Variants in SAP130 observed in about 807,000 individuals in gnomAD.
The protein encoded by SAP130 is Sin3A associated protein 130, also known as histone deacetylase complex subunit SAP130.
Under a neutral mutation model 103.2 loss-of-function variants are expected in SAP130, and 16 were observed. The observed-to-expected ratio is 0.16, with a 90% CI of 0.10 to 0.24. The LOEUF (loss-of-function observed/expected upper bound fraction) is 0.24. Among genes scored for constraint, SAP130 ranks in the 10% least tolerant of loss-of-function variants. The pLI, the probability that SAP130 is intolerant of heterozygous loss-of-function variation, is 1.00. For missense variants in SAP130, 990 were observed against 1,359.7 expected (o/e 0.73, Z 4.28); for synonymous variants, 477 against 497.0 (o/e 0.96, Z 0.53).
At chr2:128,001,630 A>G (rs1207471106) in intron 7 of SAP130, among the ~76,000 whole-genome samples, 1 of 152,204 alleles carries the variant, frequency 6.6e-6, no homozygotes, top group Non-Finnish European at 1.5e-5. Context: ...TAGTGTTACA[A>G]CTGCCTACAG....
At chr2:127,954,861 C>A in intron 16 of SAP130, 125 bp downstream of exon 16, 1 of 686,964 alleles carries the variant, frequency 1.5e-6, no homozygotes, top group Non-Finnish European at 2.4e-6. Flanking sequence ...TAATGACATG[C>A]AACATCTAAA....
At chr2:128,001,744 GTA>G (rs1301817112) in intron 7 of SAP130, among the ~76,000 whole-genome samples, 3 of 152,008 alleles carry the variant, frequency 2.0e-5, no homozygotes, top group Non-Finnish European at 2.9e-5. Flanking sequence ...GTTTGTGTAA[GTA>G]TACTCTTATG....
chr2:127,948,639 G>A (rs1035383665), intron 18 of SAP130, among the ~76,000 whole-genome samples: 1 of 151,992 alleles, frequency 6.6e-6, no homozygotes, highest in African/African-American at 2.4e-5. Context: ...ACCGCGCCTG[G>A]CCTCCTGTGA....
intron 12 of SAP130, among the ~76,000 whole-genome samples, chr2:127,992,673 T>C (rs1682893289): frequency 6.6e-6 from 1 of 152,292 alleles, no homozygotes; most frequent in Admixed American, 6.5e-5. Flanking sequence ...TTGTTTTTCC[T>C]GGATTAGCAA....
chr2:127,947,858 C>G (rs1679215895), intron 18 of SAP130, among the ~76,000 whole-genome samples: 1 of 151,604 alleles, frequency 6.6e-6, no homozygotes, highest in Middle Eastern at 3.2e-3. Context: ...ATGATCTCGG[C>G]TTACTGCAAA....
chr2:127,963,507 AG>A (rs1455865651), intron 15 of SAP130, among the ~76,000 whole-genome samples: 1 of 152,216 alleles, frequency 6.6e-6, no homozygotes. Flanking sequence ...CTGGGATTAC[AG>A]GTGTCAGCCA....
At position 127,996,972 on chromosome 2, in the gene SAP130, C is replaced by CA. The variant is rs1559081137; in HGVS notation, c.1214-482dup. On this transcript the variant is annotated intron_variant, in intron 10 of 20. Coordinates refer to ENST00000643581, the MANE Select transcript of SAP130 (RefSeq NM_001330301.2). The surrounding 1 kb of genome is among the most constrained non-coding windows in gnomAD (Gnocchi z 4.3). Reference sequence around the variant, plus strand: ...TTAAAAAACGGAAAAAACAAACAAACAAAAAACCTTGGATTCTACTCCAGG... The same window carrying CA: ...TTAAAAAACGGAAAAAACAAACAAACAAAAAAACCTTGGATTCTACTCCAGG... Among the ~76,000 whole-genome samples the CA allele has an allele frequency of 6.6e-6, 1 of 151,992 alleles. No individual in the cohort carries two copies. Among genetic ancestry groups the CA allele is most frequent in the Admixed American group, 6.6e-5 (1 of 15,252 alleles).
At chr2:127,998,142 A>AAATAAAAAC (rs1553512728) in intron 10 of SAP130, among the ~76,000 whole-genome samples, 2 of 151,978 alleles carry the variant, frequency 1.3e-5, no homozygotes, top group Non-Finnish European at 2.9e-5. Context: ...ATACATTCTC[A>AAATAAAAAC]ATAGTTAAAT....
intron 18 of SAP130, among the ~76,000 whole-genome samples, chr2:127,947,900 C>T (rs1486703453): frequency 2.0e-5 from 3 of 152,218 alleles, no homozygotes; most frequent in East Asian, 3.9e-4. Context: ...TGCAATTCTC[C>T]TGCCTCAGCC....
chr2:127,955,612 G>A lies in SAP130; in HGVS notation c.2064-268C>T, dbSNP rs576852075. On this transcript the variant is annotated intron_variant, in intron 15 of 20. Coordinates refer to ENST00000643581, the MANE Select transcript of SAP130 (RefSeq NM_001330301.2). The surrounding 1 kb of genome is among the most constrained non-coding windows in gnomAD (Gnocchi z 4.9). Reference sequence around the variant, plus strand: ...AGGGATTCTCCCACCTCATCCTCCCGAGTAGCTGAGACTACAGGTGTGTGC... The same window carrying A: ...AGGGATTCTCCCACCTCATCCTCCCAAGTAGCTGAGACTACAGGTGTGTGC... 3.3e-5 allele frequency among the ~76,000 whole-genome samples: 5 copies of A among 152,092 alleles called. No homozygotes were observed. The highest frequency in any genetic ancestry group is 2.1e-4 in the South Asian group (1 of 4,816).
intron 15 of SAP130, among the ~76,000 whole-genome samples, chr2:127,970,919 A>ACGAT (rs1225848427): frequency 6.6e-6 from 1 of 151,366 alleles, no homozygotes; most frequent in East Asian, 1.9e-4. Flanking sequence ...TACTTCTATC[A>ACGAT]CGATATGCTC....
intron 7 of SAP130, among the ~76,000 whole-genome samples, chr2:128,002,890 G>C (rs965918461): frequency 6.6e-6 from 1 of 152,138 alleles, no homozygotes; most frequent in Admixed American, 6.5e-5. Context: ...ACTTTGGGAG[G>C]CCAAGGCAGG....
intron 7 of SAP130, among the ~76,000 whole-genome samples, chr2:128,005,544 G>A (rs1025587011): frequency 1.9e-4 from 29 of 151,960 alleles, no homozygotes; most frequent in Admixed American, 2.0e-4. Context: ...GAACCCGGGG[G>A]GTGGAGACTG....
chr2:128,007,216 A>G (rs1684044383), intron 7 of SAP130, among the ~76,000 whole-genome samples: 1 of 152,222 alleles, frequency 6.6e-6, no homozygotes, highest in African/African-American at 2.4e-5. Flanking sequence ...AGGGGAAAAC[A>G]ATTTCCCCAA....
chr2:128,010,219 G>C (rs768165061), intron 7 of SAP130, 50 bp downstream of exon 7: 2 of 1,561,662 alleles, frequency 1.3e-6, no homozygotes, highest in Non-Finnish European at 1.7e-6. Flanking sequence ...AAAAAAGAGT[G>C]AAGGAGGAGG....
chr2:127,947,108 G>C (rs1573618753), intron 18 of SAP130, among the ~76,000 whole-genome samples: 1 of 151,708 alleles, frequency 6.6e-6, no homozygotes, highest in East Asian at 1.9e-4. Flanking sequence ...AGGGACTGGA[G>C]TGGTGCAGGT....
chr2:128,027,832 T>C (rs1390364366), intron 1 of SAP130, 108 bp downstream of exon 1: 1 of 731,576 alleles, frequency 1.4e-6, no homozygotes, highest in Non-Finnish European at 1.7e-6. Context: ...ACGAGGATCC[T>C]CTGCCCTTCC....
chr2:127,941,582 G>A lies in SAP130; in HGVS notation c.*424C>T, dbSNP rs191529174. 6.2e-6 allele frequency: 1 copy of A among 160,856 alleles called. No homozygotes were observed. The highest frequency in any genetic ancestry group is 2.4e-5 in the African/African-American group (1 of 41,714). 10.0% of individuals were successfully genotyped at this position (160,856 alleles called of 1,614,324 possible). A position where few individuals can be genotyped will look rare whatever the true frequency, so the allele number is the denominator to read the frequency against. On this transcript the variant is annotated 3_prime_UTR_variant, in exon 21 of 21. Coordinates refer to ENST00000643581, the MANE Select transcript of SAP130 (RefSeq NM_001330301.2). ...GAAGAACCGAATGGGGTGGGTGGAA[G>A]AGGTTTTATTTTCAGTGTAGAGAGA...
At chr2:127,963,027 A>C (rs1680371229) in intron 15 of SAP130, among the ~76,000 whole-genome samples, 1 of 152,106 alleles carries the variant, frequency 6.6e-6, no homozygotes, top group Non-Finnish European at 1.5e-5. Flanking sequence ...AGAAAAAACA[A>C]AAAGGTTGTT....
Sources: gnomAD v4.1 joint callset for allele counts (sites outside exome capture counted in the v4.1 genomes callset) on GRCh38, gnomAD v4.1.1 for gene constraint, Gnocchi (gnomAD v3.1) non-coding constraint, MANE v1.5 for transcripts, NCBI Gene and HGNC (gene_info 2026-07-23, HGNC 2026-07-21) for gene names.